TIGAR: variants seen among roughly 807,000 people sequenced by gnomAD.
TIGAR encodes the protein TP53 induced glycolysis regulatory phosphatase, also known as fructose-2,6-bisphosphatase TIGAR.
Under a neutral mutation model 17.9 loss-of-function variants are expected in TIGAR, and 7 were observed. That is an observed-to-expected ratio of 0.39 (90% confidence interval 0.22 to 0.73). The LOEUF is 0.73. TIGAR is among the 30% of genes least tolerant of loss of function. TIGAR has a pLI of 0.42. For synonymous variants in TIGAR, 94 were observed against 108.6 expected (o/e 0.87, Z 0.84); for missense variants, 258 against 327.4 (o/e 0.79, Z 1.64).
At position 4,352,350 on chromosome 12, in the gene TIGAR, C is replaced by G; in HGVS notation, c.472C>G (p.Pro158Ala). The change falls in exon 6 of 6, where the codon CCA becomes GCA. Residue 158 changes from proline (P) to alanine (A), a missense_variant. By Grantham distance (27) the Pro-to-Ala change is conservative. Coordinates refer to ENST00000179259, the MANE Select transcript of TIGAR (RefSeq NM_020375.3). ...DQKEQFSQGSPSNCLETSLAE... is the reference protein window; with the variant it reads ...DQKEQFSQGSASNCLETSLAE... The stretch of plus-strand genomic sequence containing the variant: ...AAAAGAACAGTTTTCCCAAGGATCT[C>G]CAAGCAACTGTCTGGAAACTTCTTT... 2 of 1,614,128 alleles carry G rather than the reference C, an allele frequency of 1.2e-6. No individual in the cohort carries two copies. The highest frequency in any genetic ancestry group is 1.1e-5 in the South Asian group (1 of 91,080).
rs1864862436 is a variant in TIGAR at position 4,353,648 on chromosome 12, A to AGGTCTGGCTG, written c.*957_*958insGGTCTGGCTG. On this transcript the variant is annotated 3_prime_UTR_variant, in exon 6 of 6. Transcript: ENST00000179259. ...TCAGGAATTCTAGACCAGCCTGGCCAACAATGGTGAAACCCTGTCTCTACT... is the reference window on the plus strand; with the variant it reads ...TCAGGAATTCTAGACCAGCCTGGCCAGGTCTGGCTGACAATGGTGAAACCCTGTCTCTACT... 6.6e-6 allele frequency: 1 copy of AGGTCTGGCTG among 152,342 alleles called. No homozygotes were observed. Among genetic ancestry groups the AGGTCTGGCTG allele is most frequent in the African/African-American group, 2.4e-5 (1 of 41,460 alleles). 9.4% of individuals were successfully genotyped at this position (152,342 alleles called of 1,614,324 possible). A position where few individuals can be genotyped will look rare whatever the true frequency, so the allele number is the denominator to read the frequency against.
At chr12:4,324,249 A>G in intron 1 of TIGAR, 1 of 620,044 alleles carries the variant, frequency 1.6e-6, no homozygotes, top group South Asian at 2.0e-5. Flanking sequence ...ATCCAGCACT[A>G]CTGAAGGGTC....
intron 3 of TIGAR, among the ~76,000 whole-genome samples, chr12:4,338,329 T>C (rs1399645144): frequency 6.6e-6 from 1 of 152,138 alleles, no homozygotes; most frequent in Non-Finnish European, 1.5e-5. Context: ...GATGCCTGAA[T>C]GAAGTAGAAC....
At chr12:4,330,568 G>C (rs770788209) in intron 1 of TIGAR, among the ~76,000 whole-genome samples, 6 of 152,160 alleles carry the variant, frequency 3.9e-5, no homozygotes, top group African/African-American at 1.2e-4. Context: ...CTATCCTGCT[G>C]TCTGTCCAGT....
intron 3 of TIGAR, among the ~76,000 whole-genome samples, chr12:4,340,338 C>G (rs977471172): frequency 6.6e-6 from 1 of 152,000 alleles, no homozygotes; most frequent in African/African-American, 2.4e-5. Flanking sequence ...CAGGAATTAA[C>G]CAAAGAAGTG....
chr12:4,353,702 CA>C lies in TIGAR; in HGVS notation c.*1012del, dbSNP rs1446781676. 2 of 152,414 alleles carry C rather than the reference CA, an allele frequency of 1.3e-5. No homozygotes were observed. The highest frequency in any genetic ancestry group is 2.9e-5 in the Non-Finnish European group (2 of 68,176). The allele number at this position is 152,414 out of a possible 1,614,324, so 9.4% of individuals were successfully genotyped here. ...AATACAAAAAAGCCAGGCGTGGTAGCAGGCGCCTGTAATCCCAGCTACTTGG... is the reference window on the plus strand; with the variant it reads ...AATACAAAAAAGCCAGGCGTGGTAGCGGCGCCTGTAATCCCAGCTACTTGG... On this transcript the variant is annotated 3_prime_UTR_variant, in exon 6 of 6. Transcript: ENST00000179259.
chr12:4,357,702 G>A lies in TIGAR; in HGVS notation c.*5011G>A, dbSNP rs867925767. Among the ~76,000 whole-genome samples, 2 of 152,144 alleles carry A rather than the reference G, an allele frequency of 1.3e-5. No individual in the cohort carries two copies. Among genetic ancestry groups the A allele is most frequent in the African/African-American group, 4.8e-5 (2 of 41,424 alleles). Reference sequence around the variant, plus strand: ...TTGTTCAGCAATATGGCCTAAGGGGGTGATTTCTTCATTGATAAGTGACAG... The same window carrying A: ...TTGTTCAGCAATATGGCCTAAGGGGATGATTTCTTCATTGATAAGTGACAG... On this transcript the variant is annotated 3_prime_UTR_variant, in exon 6 of 6. Coordinates refer to ENST00000179259, the MANE Select transcript of TIGAR (RefSeq NM_020375.3).
chr12:4,331,395 TGGGGTAGACTG>T, intron 2 of TIGAR, 78 bp downstream of exon 2: 1 of 1,284,132 alleles, frequency 7.8e-7, no homozygotes, highest in Non-Finnish European at 1.1e-6. Context: ...TTTGGTGGGG[TGGGGTAGACTG>T]GGGGCAGCAC....
In TIGAR at chr12:4,351,318, A is replaced by G; in HGVS notation, c.322A>G (p.Lys108Glu). The G allele has an allele frequency of 2.5e-6, 4 of 1,614,204 alleles. No individual in the cohort carries two copies. The highest frequency in any genetic ancestry group is 3.4e-6 in the Non-Finnish European group (4 of 1,180,028). ...KALSELRAMA[K>E]AAREECPVFT... The stretch of plus-strand genomic sequence containing the variant: ...GCTAAGTGAGCTGAGGGCCATGGCC[A>G]AAGCAGCCAGGGAAGAGTGCCCTGT... The change falls in exon 5 of 6, where the codon AAA (lysine) becomes GAA (glutamate). Residue 108 changes from lysine to glutamate, a missense_variant. Lys to Glu is a moderately conservative substitution (Grantham distance 56). Transcript: ENST00000179259.
In TIGAR at chr12:4,355,437, T is replaced by C. The variant is rs1864889544; in HGVS notation, c.*2746T>C. Among the ~76,000 whole-genome samples the C allele has an allele frequency of 6.6e-6, 1 of 152,192 alleles. No homozygotes were observed. The highest frequency in any genetic ancestry group is 2.4e-5 in the African/African-American group (1 of 41,434). ...CTTTGCAGCTGACTGTCTTAAAGGG[T>C]GGATACCTCCTCTTGTTCATTTTTA... On this transcript the variant is annotated 3_prime_UTR_variant, in exon 6 of 6. Coordinates refer to ENST00000179259, the MANE Select transcript of TIGAR (RefSeq NM_020375.3).
chr12:4,325,963 C>T (rs1489613670), intron 1 of TIGAR, among the ~76,000 whole-genome samples: 1 of 152,070 alleles, frequency 6.6e-6, no homozygotes, highest in Non-Finnish European at 1.5e-5. Context: ...AATTTGAATT[C>T]CTTAAATGGA....
At chr12:4,324,344 A>G in intron 1 of TIGAR, 1 of 737,764 alleles carries the variant, frequency 1.4e-6, no homozygotes, top group South Asian at 1.8e-5. Flanking sequence ...TTTTTTTGGA[A>G]ATATGTGTGC....
At position 4,321,643 on chromosome 12, in the gene TIGAR, C is replaced by T. The variant is rs942914352; in HGVS notation, c.32+340C>T. ...CATGTCCACAGACTTGTCTGGGTAC[C>T]GATTTTGCTCCCCAGCAGATTGCAA... is the stretch of plus-strand genomic sequence containing the variant. On this transcript the variant is annotated intron_variant, in intron 1 of 5. Transcript: ENST00000179259. This position sits in a 1 kb window ranked among gnomAD's most constrained non-coding sequence, Gnocchi z 5.2. Among the ~76,000 whole-genome samples, 4 of 152,164 alleles carry T rather than the reference C, an allele frequency of 2.6e-5. No homozygotes were observed. Among genetic ancestry groups the T allele is most frequent in the Non-Finnish European group, 5.9e-5 (4 of 68,032 alleles).
chr12:4,328,453 A>G (rs539650498), intron 1 of TIGAR, among the ~76,000 whole-genome samples: 8 of 152,008 alleles, frequency 5.3e-5, no homozygotes, highest in East Asian at 3.9e-4. Context: ...TGGCCTCCCA[A>G]AGTGCTGGGA....
rs781252324 is a variant in TIGAR at position 4,351,353 on chromosome 12, G to A, written c.357G>A (p.Pro119=). ...GGGAAGAGTGCCCTGTGTTTACACCGCCCGGAGGAGAGACGCTGGACCAGG... is the reference window on the plus strand; with the variant it reads ...GGGAAGAGTGCCCTGTGTTTACACCACCCGGAGGAGAGACGCTGGACCAGG... The part of the protein sequence containing the change: ...AAREECPVFT[P]PGGETLDQVK... The change falls in exon 5 of 6, where the codon CCG becomes CCA. Residue 119 remains proline, a synonymous_variant. Transcript: ENST00000179259. 4.9e-5 allele frequency: 79 copies of A among 1,613,960 alleles called. No homozygotes were observed. In the East Asian group the frequency reaches 1.5e-3, roughly 31 times the overall value.
At chr12:4,333,788 C>T (rs1247516189) in intron 2 of TIGAR, among the ~76,000 whole-genome samples, 5 of 151,960 alleles carry the variant, frequency 3.3e-5, no homozygotes, top group African/African-American at 7.3e-5. Flanking sequence ...TTAGTAGAGA[C>T]GGGGTTTCAC....
intron 5 of TIGAR, 78 bp downstream of exon 5, chr12:4,351,455 T>C: frequency 8.8e-7 from 1 of 1,140,310 alleles, no homozygotes; most frequent in East Asian, 2.4e-5. Context: ...CTAAGCAGTT[T>C]GAAAGTTGCT....
intron 1 of TIGAR, among the ~76,000 whole-genome samples, chr12:4,330,085 C>T (rs1460389654): frequency 6.6e-6 from 1 of 152,102 alleles, no homozygotes; most frequent in Non-Finnish European, 1.5e-5. Flanking sequence ...TGGCATACAG[C>T]TGTTTTTGTA....
intron 2 of TIGAR, among the ~76,000 whole-genome samples, chr12:4,336,666 T>C (rs1250663781): frequency 6.6e-6 from 1 of 152,036 alleles, no homozygotes; most frequent in African/African-American, 2.4e-5. Flanking sequence ...AGCATTTGGA[T>C]GATGGGAATA....
Sources: gnomAD v4.1 joint callset for allele counts (sites outside exome capture counted in the v4.1 genomes callset) on GRCh38, gnomAD v4.1.1 for gene constraint, Gnocchi (gnomAD v3.1) non-coding constraint, MANE v1.5 for transcripts, NCBI Gene and HGNC (gene_info 2026-07-23, HGNC 2026-07-21) for gene names.